Variants in LYRM4 observed in about 807,000 individuals in gnomAD.
LYRM4 encodes the protein LYR motif containing 4.
A neutral mutation model predicts 11.7 loss-of-function variants in LYRM4; 9 were observed. That is an observed-to-expected ratio of 0.77 (90% CI 0.46 to 1.34). The LOEUF (loss-of-function observed/expected upper bound fraction) is 1.34, where lower values mean the gene tolerates loss of function less well. Ranked by LOEUF, LYRM4 falls within the 40% of genes most tolerant of loss-of-function variation. The probability of loss-of-function intolerance (pLI) is 0.00; values close to 1 mark genes in which losing one functional copy is unlikely to be tolerated. For synonymous variants in LYRM4, 42 were observed against 40.4 expected (o/e 1.04, Z -0.15); for missense variants, 133 against 112.5 (o/e 1.18, Z -0.82).
At chr6:5,141,903 C>T (rs1757426989) in intron 2 of LYRM4, among the ~76,000 whole-genome samples, 1 of 152,116 alleles carries the variant, frequency 6.6e-6, no homozygotes, top group South Asian at 2.1e-4. Context: ...GAGGTTAAGA[C>T]CAGGTCAAAC....
chr6:5,139,842 T>TC (rs901449023), intron 2 of LYRM4, among the ~76,000 whole-genome samples: 3 of 110,644 alleles, frequency 2.7e-5, no homozygotes, highest in African/African-American at 8.2e-5. Flanking sequence ...AGCACTTTTT[T>TC]CTTTTTTTTT....
chr6:5,239,890 A>T (rs1178550351), intron 1 of LYRM4, among the ~76,000 whole-genome samples: 1 of 152,102 alleles, frequency 6.6e-6, no homozygotes, highest in Non-Finnish European at 1.5e-5. Flanking sequence ...CACCACCCCC[A>T]TAGGGAACAG....
chr6:5,057,544 C>T, the LYRM4 span, among the ~76,000 whole-genome samples: 27 of 151,898 alleles, frequency 1.8e-4, no homozygotes, highest in Non-Finnish European at 5.9e-5. Context: ...TGGTGAAACC[C>T]CCATCTCTAC....
At chr6:5,150,079 G>A (rs1004852152) in intron 2 of LYRM4, among the ~76,000 whole-genome samples, 2 of 152,188 alleles carry the variant, frequency 1.3e-5, no homozygotes, top group Non-Finnish European at 2.9e-5. Context: ...AGCCACCCTT[G>A]TTTCAGGCTA....
intron 2 of LYRM4, among the ~76,000 whole-genome samples, chr6:5,192,097 G>C (rs1760789188): frequency 6.6e-6 from 1 of 152,158 alleles, no homozygotes; most frequent in African/African-American, 2.4e-5. Context: ...GGACAATGGA[G>C]GAAATCTGAA....
chr6:5,195,777 A>C (rs992545359), intron 2 of LYRM4, among the ~76,000 whole-genome samples: 1 of 152,166 alleles, frequency 6.6e-6, no homozygotes, highest in Non-Finnish European at 1.5e-5. Flanking sequence ...CTCAACAGCT[A>C]TTCACCTGAG....
intron 2 of LYRM4, among the ~76,000 whole-genome samples, chr6:5,109,950 T>C (rs1196271142): frequency 1.9e-5 from 2 of 102,634 alleles, no homozygotes; most frequent in Admixed American, 9.5e-5. Flanking sequence ...CAGACACCTG[T>C]CCGTGGCCCA....
At chr6:5,256,697 T>C (rs1764695840) in intron 1 of LYRM4, among the ~76,000 whole-genome samples, 1 of 152,022 alleles carries the variant, frequency 6.6e-6, no homozygotes, top group Non-Finnish European at 1.5e-5. Context: ...ATCACTCCTC[T>C]GAGCTTCAGA....
At chr6:5,254,248 C>T (rs1365628005) in intron 1 of LYRM4, among the ~76,000 whole-genome samples, 3 of 152,190 alleles carry the variant, frequency 2.0e-5, no homozygotes, top group Admixed American at 2.0e-4. Flanking sequence ...CCTCATCCGC[C>T]ATATTCATCT....
chr6:5,218,433 T>A (rs958773407), intron 1 of LYRM4: 2 of 956,470 alleles, frequency 2.1e-6, no homozygotes, highest in Non-Finnish European at 2.5e-6. Flanking sequence ...TTGTTTCAGA[T>A]AAAGTTTTTT....
chr6:5,246,459 C>T lies in LYRM4; in HGVS notation c.86+14189G>A, dbSNP rs1764201230. 2.0e-5 allele frequency among the ~76,000 whole-genome samples: 3 copies of T among 152,300 alleles called. 1 individual carries two copies. In the South Asian group the frequency reaches 6.2e-4, roughly 32 times the overall value. On this transcript the variant is annotated intron_variant, in intron 1 of 2. Transcript: ENST00000330636. ...TTAATTGGAGAAACCACTGAACTTC[C>T]TCCTCCTAAGAATTCCCCAACTACC...
chr6:5,235,897 T>G (rs1763511008), intron 1 of LYRM4, among the ~76,000 whole-genome samples: 1 of 152,216 alleles, frequency 6.6e-6, no homozygotes, highest in Non-Finnish European at 1.5e-5. Flanking sequence ...TCACTGGTTT[T>G]GAGATTCCTA....
intron 1 of LYRM4, among the ~76,000 whole-genome samples, chr6:5,250,256 C>T (rs1764368389): frequency 6.6e-6 from 1 of 151,900 alleles, no homozygotes; most frequent in Non-Finnish European, 1.5e-5. Context: ...AAGGCCAAGG[C>T]AAAGTATAAA....
intron 1 of LYRM4, among the ~76,000 whole-genome samples, chr6:5,225,414 G>C (rs936823796): frequency 3.9e-5 from 6 of 152,010 alleles, no homozygotes; most frequent in Non-Finnish European, 8.8e-5. Context: ...GGAGACATTA[G>C]GTTCATATTA....
intron 2 of LYRM4, among the ~76,000 whole-genome samples, chr6:5,176,013 C>T (rs977179847): frequency 7.2e-5 from 11 of 152,016 alleles, no homozygotes; most frequent in East Asian, 5.8e-4. Context: ...TCAGCATTCC[C>T]GGCCCAGATA....
the LYRM4 span, among the ~76,000 whole-genome samples, chr6:5,097,349 T>C: frequency 1.3e-5 from 2 of 152,114 alleles, no homozygotes; most frequent in African/African-American, 4.8e-5. Context: ...CAGTCTAATA[T>C]ACCTATATGT....
intron 2 of LYRM4, among the ~76,000 whole-genome samples, chr6:5,179,079 A>AC (rs1561851788): frequency 3.3e-5 from 5 of 149,380 alleles, no homozygotes; most frequent in African/African-American, 1.2e-4. Context: ...AAAAAAAAAA[A>AC]AAAAAAAAAA....
chr6:5,065,765 A>T, the LYRM4 span: 1 of 277,354 alleles, frequency 3.6e-6, no homozygotes, highest in Non-Finnish European at 6.6e-6. Context: ...AAATAAATAA[A>T]CTGCTCCACC....
At chr6:5,100,659 A>G (rs1222258902), downstream of LYRM4, among the ~76,000 whole-genome samples, 4 of 152,134 alleles carry the variant, frequency 2.6e-5, no homozygotes, top group Non-Finnish European at 4.4e-5. Flanking sequence ...GGTTCCTGTG[A>G]GCTTGGCTGA....
Sources: gnomAD v4.1 joint callset for allele counts (sites outside exome capture counted in the v4.1 genomes callset) on GRCh38, gnomAD v4.1.1 for gene constraint, MANE v1.5 for transcripts, NCBI Gene and HGNC (gene_info 2026-07-23, HGNC 2026-07-21) for gene names.